BEST4: variants seen among roughly 807,000 people sequenced by gnomAD.
BEST4 encodes bestrophin 4, also known as bestrophin-4.
In BEST4, 36 loss-of-function variants were observed where a neutral mutation model predicts 47.1. The observed-to-expected ratio is 0.76, with a 90% CI of 0.59 to 1.01. The LOEUF (loss-of-function observed/expected upper bound fraction) is 1.01. Ranked by LOEUF, BEST4 falls within the 50% of genes least tolerant of loss-of-function variation. The pLI is 0.00. For synonymous variants in BEST4, 250 were observed against 277.8 expected (o/e 0.90, Z 1.00); for missense variants, 550 against 648.6 (o/e 0.85, Z 1.65).
At chr1:44,792,194 A>G (rs975990374), upstream of BEST4, among the ~76,000 whole-genome samples, 10 of 151,986 alleles carry the variant, frequency 6.6e-5, no homozygotes, top group Non-Finnish European at 1.3e-4. Context: ...GTGAGCCGAG[A>G]TCATGCCATT....
In BEST4 at chr1:44,784,788, G is replaced by T; in HGVS notation, c.994-5C>A. On this transcript the variant is annotated splice_polypyrimidine_tract_variant and splice_region_variant and intron_variant, in intron 7 of 8. Coordinates refer to ENST00000372207, the MANE Select transcript of BEST4 (RefSeq NM_153274.3). The surrounding 1 kb of genome is among the most constrained non-coding windows in gnomAD (Gnocchi z 6.2). ...GTCCACGGATAGCAGGGACACCTGG[G>T]CCACCAGCAAGTTACAAGGATCCTC... 6.3e-7 allele frequency: 1 copy of T among 1,591,464 alleles called. No individual in the cohort carries two copies. Among genetic ancestry groups the T allele is most frequent in the Non-Finnish European group, 8.6e-7 (1 of 1,167,802 alleles).
Position 44,784,851 on chromosome 1 carries a change from C to G in BEST4, c.993+54G>C. 6.2e-7 allele frequency: 1 copy of G among 1,610,620 alleles called. No individual in the cohort carries two copies. Among genetic ancestry groups the G allele is most frequent in the Non-Finnish European group, 8.5e-7 (1 of 1,178,058 alleles). ...TCCCACGGCCGGGCTGAGAGCTGAC[C>G]GGGAGAGGGGGCCCAGGAGCTGCCC... On this transcript the variant is annotated intron_variant, in intron 7 of 8. Coordinates refer to ENST00000372207, the MANE Select transcript of BEST4 (RefSeq NM_153274.3). This position sits in a 1 kb window ranked among gnomAD's most constrained non-coding sequence, Gnocchi z 6.2.
chr1:44,786,459 G>T lies in BEST4; in HGVS notation c.481+4C>A, dbSNP rs755167044. The T allele has an allele frequency of 1.6e-5, 24 of 1,507,974 alleles. No individual in the cohort carries two copies. Among genetic ancestry groups the T allele is most frequent in the Non-Finnish European group, 1.8e-6 (2 of 1,126,616 alleles). 93.4% of individuals were successfully genotyped at this position (1,507,974 alleles called of 1,614,324 possible). ...CCCCCAGAGGCTCCCGGCGGGCGGC[G>T]CACCTGCGTCCACCACGTGCTCCAT... On this transcript the variant is annotated splice_donor_region_variant and intron_variant, in intron 3 of 8. Transcript: ENST00000372207. This position sits in a 1 kb window ranked among gnomAD's most constrained non-coding sequence, Gnocchi z 4.9.
chr1:44,791,804 T>A (rs2148850509), upstream of BEST4, among the ~76,000 whole-genome samples: 1 of 151,990 alleles, frequency 6.6e-6, no homozygotes, highest in East Asian at 1.9e-4. Flanking sequence ...CCCTGTCCCC[T>A]CCTCACAGCT....
upstream of BEST4, among the ~76,000 whole-genome samples, chr1:44,792,131 A>T (rs1270591450): frequency 1.3e-5 from 2 of 152,032 alleles, no homozygotes; most frequent in African/African-American, 2.4e-5. Context: ...AATCCCAGCT[A>T]CTCCGGAGGC....
chr1:44,784,883 C>A lies in BEST4; in HGVS notation c.993+22G>T, dbSNP rs762198297. ...GGGGGCCCAGGAGCTGCCCTGGACTCCTGATCCTGATGCTTGCTCACCTGC... is the reference window on the plus strand; with the variant it reads ...GGGGGCCCAGGAGCTGCCCTGGACTACTGATCCTGATGCTTGCTCACCTGC... On this transcript the variant is annotated intron_variant, in intron 7 of 8. Transcript: ENST00000372207. The surrounding 1 kb of genome is among the most constrained non-coding windows in gnomAD (Gnocchi z 6.2). The A allele has an allele frequency of 1.9e-6, 3 of 1,613,892 alleles. No homozygotes were observed. In the East Asian group the frequency reaches 6.7e-5, roughly 36 times the overall value.
At chr1:44,789,791 G>A (rs974117625), upstream of BEST4, among the ~76,000 whole-genome samples, 2 of 152,204 alleles carry the variant, frequency 1.3e-5, no homozygotes, top group Non-Finnish European at 1.5e-5. Context: ...CCAGTGCTGA[G>A]GTAAGTGAAC....
chr1:44,788,678 T>C (rs1016224311), upstream of BEST4, among the ~76,000 whole-genome samples: 10 of 152,254 alleles, frequency 6.6e-5, no homozygotes, highest in Admixed American at 2.6e-4. Flanking sequence ...CCAGGGCTGA[T>C]GGACTTCCAA....
chr1:44,791,141 C>T (rs1370061677), upstream of BEST4, among the ~76,000 whole-genome samples: 1 of 151,758 alleles, frequency 6.6e-6, no homozygotes, highest in African/African-American at 2.4e-5. Context: ...TGGAAAACTA[C>T]TCATGGCCTG....
chr1:44,786,389 C>T lies in BEST4; in HGVS notation c.481+74G>A. 1.4e-6 allele frequency: 2 copies of T among 1,436,960 alleles called. No individual in the cohort carries two copies. The highest frequency in any genetic ancestry group is 2.4e-5 in the East Asian group (1 of 41,354). 89.0% of individuals were successfully genotyped at this position (1,436,960 alleles called of 1,614,324 possible). ...AGACCCTTCCCTGGAGGCCCCTGCT[C>T]CCAGGACTCTCCCAGGCGCCACCTG... is the stretch of plus-strand genomic sequence containing the variant. On this transcript the variant is annotated intron_variant, in intron 3 of 8. Coordinates refer to ENST00000372207, the MANE Select transcript of BEST4 (RefSeq NM_153274.3). The surrounding 1 kb of genome is among the most constrained non-coding windows in gnomAD (Gnocchi z 4.9).
Position 44,784,696 on chromosome 1 carries a change from G to A in BEST4, c.1081C>T (p.Pro361Ser), listed in dbSNP as rs533175337. Residue 361 changes from proline to serine, a missense_variant, in exon 8 of 9, where the codon CCC (proline) becomes TCC (serine). Pro to Ser is a moderately conservative substitution (Grantham distance 74). This residue lies in a region of BEST4 where 255 missense variants were observed against 286.6 expected (regional missense o/e 0.89). Coordinates refer to ENST00000372207, the MANE Select transcript of BEST4 (RefSeq NM_153274.3). The surrounding 1 kb of genome is among the most constrained non-coding windows in gnomAD (Gnocchi z 6.2). The stretch of plus-strand genomic sequence containing the variant: ...TCGGCCGCCGTGGCCACAGTGTAGG[G>A]TGGCTGCGGCTGGTCCTCATCCCAG... ...QYWDEDQPQP[P>S]YTVATAAESL... 4.5e-5 allele frequency: 72 copies of A among 1,612,566 alleles called. No individual in the cohort carries two copies. The South Asian group carries it at 6.6e-4, about 15-fold the overall frequency.
At chr1:44,792,238 CCAA>C (rs1265338087), upstream of BEST4, among the ~76,000 whole-genome samples, 1 of 151,408 alleles carries the variant, frequency 6.6e-6, no homozygotes, top group East Asian at 1.9e-4. Flanking sequence ...ACCAGCCTGA[CCAA>C]CATGGCAAAA....
downstream of BEST4, among the ~76,000 whole-genome samples, chr1:44,783,350 TC>T (rs1651098397): frequency 6.6e-6 from 1 of 150,582 alleles, no homozygotes; most frequent in African/African-American, 2.5e-5. Context: ...CTGTACTTTT[TC>T]CCCCTGTGTG....
At chr1:44,788,558 C>T (rs529556480), upstream of BEST4, among the ~76,000 whole-genome samples, 3 of 152,374 alleles carry the variant, frequency 2.0e-5, no homozygotes, top group East Asian at 3.9e-4. Flanking sequence ...ATCACAGCAC[C>T]ATGAGGTAGG....
chr1:44,784,687 C>T lies in BEST4; in HGVS notation c.1090G>A (p.Val364Met), dbSNP rs1193649599. 1 of 1,613,054 alleles carries T rather than the reference C, an allele frequency of 6.2e-7. No individual in the cohort carries two copies. The highest frequency in any genetic ancestry group is 8.5e-7 in the Non-Finnish European group (1 of 1,179,624). The change falls in exon 8 of 9, where the codon GTG becomes ATG. Residue 364 changes from valine (V) to methionine (M), a missense_variant. Val to Met is a conservative substitution (Grantham distance 21). This residue lies in a region of BEST4 where 255 missense variants were observed against 286.6 expected (regional missense o/e 0.89). Transcript: ENST00000372207. The surrounding 1 kb of genome is among the most constrained non-coding windows in gnomAD (Gnocchi z 6.2). ...CGCAGAGACTCGGCCGCCGTGGCCA[C>T]AGTGTAGGGTGGCTGCGGCTGGTCC... Reference protein sequence around the residue: ...DEDQPQPPYTVATAAESLRPS... With the variant: ...DEDQPQPPYTMATAAESLRPS...
rs900741062 is a variant in BEST4, at chr1:44,786,148, A to C, written c.562T>G (p.Phe188Val). ...CGGGCCTGGGCCGCCAGGTTGGTGA[A>C]CCAGACGCAGGGGACCCAGTACTTG... ...FNKYWVPCVW[F>V]TNLAAQARRD... Residue 188 changes from phenylalanine (F) to valine (V), a missense_variant, in exon 4 of 9, where the codon TTC becomes GTC. Around this residue, in one of 3 missense-constraint regions of BEST4, gnomAD observed 291 missense variants for 342.4 expected, o/e 0.85. Transcript: ENST00000372207. The surrounding 1 kb of genome is among the most constrained non-coding windows in gnomAD (Gnocchi z 4.9). The C allele has an allele frequency of 9.9e-6, 16 of 1,614,102 alleles. No homozygotes were observed. The highest frequency in any genetic ancestry group is 1.4e-5 in the Non-Finnish European group (16 of 1,179,988).
At chr1:44,785,811 G>T in intron 4 of BEST4, 135 bp from the exon 5 acceptor site, 1 of 853,926 alleles carries the variant, frequency 1.2e-6, no homozygotes, top group Non-Finnish European at 1.8e-6. Flanking sequence ...TGGGGTGCTT[G>T]AATCCCAGCT....
Position 44,784,905 on chromosome 1 carries a change from C to T in BEST4, c.993G>A (p.Gln331=). 1 of 1,614,146 alleles carries T rather than the reference C, an allele frequency of 6.2e-7. No homozygotes were observed. The highest frequency in any genetic ancestry group is 8.5e-7 in the Non-Finnish European group (1 of 1,179,986). Reference sequence around the variant, plus strand: ...ACTCCTGATCCTGATGCTTGCTCACCTGCAAGTTGCGGTCTATGAGCTGAT... The same window carrying T: ...ACTCCTGATCCTGATGCTTGCTCACTTGCAAGTTGCGGTCTATGAGCTGAT... ...ETNQLIDRNL[Q]VSLLSVDEMY... is the part of the protein sequence containing the mutation. The change falls in exon 7 of 9, where the codon CAG becomes CAA. Residue 331 remains glutamine (Q), a splice_region_variant and synonymous_variant. Transcript: ENST00000372207. The surrounding 1 kb of genome is among the most constrained non-coding windows in gnomAD (Gnocchi z 6.2).
At chr1:44,783,531 A>G (rs1651103159), downstream of BEST4, 1 of 152,222 alleles carries the variant, frequency 6.6e-6, no homozygotes, top group South Asian at 2.1e-4. Flanking sequence ...TTAAACAATT[A>G]TAACTGCACA....
Sources: allele counts gnomAD v4.1 joint callset (sites outside exome capture counted in the v4.1 genomes callset), GRCh38; gene constraint gnomAD v4.1.1; regional missense constraint gnomAD v4.1.1; non-coding constraint Gnocchi (gnomAD v3.1); transcripts MANE v1.5; gene names NCBI Gene and HGNC (gene_info 2026-07-23, HGNC 2026-07-21).